Variants in FAM135A observed in about 807,000 individuals in gnomAD.
The protein encoded by FAM135A is protein FAM135A.
In FAM135A, 79 loss-of-function variants were observed where a neutral mutation model predicts 146.8. The observed-to-expected ratio is 0.54, with a 90% confidence interval of 0.45 to 0.65. The LOEUF is 0.65. FAM135A is among the 30% of genes least tolerant of loss of function. The pLI, the probability that FAM135A is intolerant of heterozygous loss-of-function variation, is 0.00. For missense variants in FAM135A, 1,623 were observed against 1,758.2 expected, an observed-to-expected ratio of 0.92 and a Z score of 1.38; for synonymous variants, 562 against 603.6, an observed-to-expected ratio of 0.93 and a Z score of 1.01.
At position 70,560,134 on chromosome 6, in the gene FAM135A, T is replaced by A. The variant is rs1244279834; in HGVS notation, c.*213T>A. ...TGCAATATTTTTTTAATTTTATCTTTTTACTTTTCTATTACTTTTTCATAT... is the reference window on the plus strand; with the variant it reads ...TGCAATATTTTTTTAATTTTATCTTATTACTTTTCTATTACTTTTTCATAT... On this transcript the variant is annotated 3_prime_UTR_variant, in exon 22 of 22. Transcript: ENST00000418814. The A allele has an allele frequency of 2.1e-6, 1 of 473,036 alleles. No individual in the cohort carries two copies. Among genetic ancestry groups the A allele is most frequent in the Non-Finnish European group, 3.7e-6 (1 of 270,522 alleles). The allele number at this position is 473,036 out of a possible 1,614,324, so 29.3% of individuals were successfully genotyped here.
In FAM135A at chr6:70,490,929, A is replaced by C. The variant is rs1785768961; in HGVS notation, c.824-105A>C. The C allele has an allele frequency of 1.2e-5, 8 of 650,182 alleles. No homozygotes were observed. In the East Asian group the frequency reaches 2.6e-4, roughly 21 times the overall value. The allele number at this position is 650,182 out of a possible 1,614,324, so 40.3% of individuals were successfully genotyped here. On this transcript the variant is annotated intron_variant, in intron 10 of 21. Transcript: ENST00000418814. ...GTTACCTTGAAATTTAATTCATTGAATACAGTCCAGATCATTCTTAATTTT... is the reference window on the plus strand; with the variant it reads ...GTTACCTTGAAATTTAATTCATTGACTACAGTCCAGATCATTCTTAATTTT...
chr6:70,499,265 C>T (rs1290740464), intron 11 of FAM135A, among the ~76,000 whole-genome samples: 3 of 152,092 alleles, frequency 2.0e-5, no homozygotes, highest in African/African-American at 4.8e-5. Flanking sequence ...TGTTGGTTTA[C>T]AGTCTGTTTT....
intron 16 of FAM135A, among the ~76,000 whole-genome samples, chr6:70,531,398 G>GTA (rs1795780627): frequency 5.9e-5 from 9 of 152,074 alleles, no homozygotes; most frequent in Admixed American, 5.9e-4. Context: ...ACAATTCTTT[G>GTA]AAGAAATGCT....
chr6:70,553,266 C>A (rs1033601771), intron 20 of FAM135A, among the ~76,000 whole-genome samples: 1 of 152,176 alleles, frequency 6.6e-6, no homozygotes, highest in African/African-American at 2.4e-5. Flanking sequence ...AGAAGTTCTC[C>A]TTTAACCTGT....
chr6:70,458,299 A>G (rs978387854), intron 5 of FAM135A, among the ~76,000 whole-genome samples: 10 of 152,176 alleles, frequency 6.6e-5, no homozygotes, highest in African/African-American at 1.9e-4. Flanking sequence ...CAAAATAGCA[A>G]ATTTTACCTG....
intron 20 of FAM135A, 34 bp downstream of exon 20, chr6:70,538,435 T>C (rs771081435): frequency 8.2e-7 from 1 of 1,216,792 alleles, no homozygotes; most frequent in South Asian, 2.5e-5. Flanking sequence ...AAAATATACA[T>C]GTGAAAACTT....
At chr6:70,507,034 A>G (rs1789932057) in intron 12 of FAM135A, among the ~76,000 whole-genome samples, 1 of 152,068 alleles carries the variant, frequency 6.6e-6, no homozygotes, top group African/African-American at 2.4e-5. Flanking sequence ...GGGGACTAAG[A>G]CAAAAATCAG....
At chr6:70,535,651 A>C (rs906869946) in intron 18 of FAM135A, among the ~76,000 whole-genome samples, 1 of 152,226 alleles carries the variant, frequency 6.6e-6, no homozygotes, top group Non-Finnish European at 1.5e-5. Flanking sequence ...CCTGGTGCCA[A>C]AAAGGTTGGG....
intron 2 of FAM135A, chr6:70,418,309 TTTTA>T (rs1390047541): frequency 1.3e-5 from 2 of 152,218 alleles, no homozygotes; most frequent in Non-Finnish European, 2.9e-5. Context: ...GGCTTGGTCA[TTTTA>T]TTTAATTTAT....
intron 2 of FAM135A, among the ~76,000 whole-genome samples, chr6:70,423,333 A>G (rs896788984): frequency 1.3e-5 from 2 of 152,174 alleles, no homozygotes; most frequent in Admixed American, 1.3e-4. Context: ...TGGTTTTTTG[A>G]AAATAGCCTG....
At chr6:70,516,826 T>C (rs1351091649) in intron 12 of FAM135A, among the ~76,000 whole-genome samples, 6 of 152,210 alleles carry the variant, frequency 3.9e-5, no homozygotes, top group African/African-American at 1.4e-4. Context: ...TGAGCCACCG[T>C]GCCCAGCCAT....
At chr6:70,423,021 C>T (rs1236460282) in intron 2 of FAM135A, among the ~76,000 whole-genome samples, 3 of 152,056 alleles carry the variant, frequency 2.0e-5, no homozygotes, top group Non-Finnish European at 4.4e-5. Context: ...ATAGTGCAGC[C>T]AGAAAAGGCC....
At chr6:70,426,943 G>A (rs184680920) in intron 3 of FAM135A, among the ~76,000 whole-genome samples, 31 of 152,204 alleles carry the variant, frequency 2.0e-4, no homozygotes, top group African/African-American at 7.5e-4. Flanking sequence ...TTCTAAGATT[G>A]TTCATTATAC....
intron 2 of FAM135A, among the ~76,000 whole-genome samples, chr6:70,423,394 CAA>C (rs892032941): frequency 1.1e-4 from 16 of 152,212 alleles, no homozygotes; most frequent in African/African-American, 3.4e-4. Flanking sequence ...GCTGCTGTAA[CAA>C]AGAGTTACGA....
chr6:70,559,790 TATA>T lies in FAM135A; in HGVS notation c.4420_4422del (p.Asn1474del). ...AAGCAAGGACTGTAATTTGGTTCGC[TATA>T]ATGTCATCAATGCATTGCCCAATAC... On this transcript the variant is annotated inframe_deletion, in exon 22 of 22. Coordinates refer to ENST00000418814, the MANE Select transcript of FAM135A (RefSeq NM_001162529.3). The T allele has an allele frequency of 6.2e-7, 1 of 1,614,190 alleles. No homozygotes were observed. Among genetic ancestry groups the T allele is most frequent in the South Asian group, 1.1e-5 (1 of 91,088 alleles).
chr6:70,517,415 C>CTTTT (rs746307665), intron 12 of FAM135A, among the ~76,000 whole-genome samples: 1 of 127,106 alleles, frequency 7.9e-6, no homozygotes, highest in African/African-American at 3.0e-5. Context: ...CGTCTTTTTC[C>CTTTT]TTTTTTTTTT....
intron 5 of FAM135A, among the ~76,000 whole-genome samples, chr6:70,455,810 CTTATTA>C (rs547574118): frequency 1.3e-4 from 19 of 150,010 alleles, no homozygotes; most frequent in Non-Finnish European, 2.4e-4. Flanking sequence ...ATGTTTGTTC[CTTATTA>C]TTAAAGTTTC....
At chr6:70,482,328 A>G (rs866645778) in intron 10 of FAM135A, among the ~76,000 whole-genome samples, 174 bp downstream of exon 10, 6 of 152,132 alleles carry the variant, frequency 3.9e-5, no homozygotes, top group African/African-American at 1.2e-4. Flanking sequence ...TTGCAATTTA[A>G]AAGTGTTTTT....
chr6:70,532,312 A>T (rs1007245323), intron 16 of FAM135A, among the ~76,000 whole-genome samples: 1 of 152,110 alleles, frequency 6.6e-6, no homozygotes, highest in South Asian at 2.1e-4. Flanking sequence ...TGCATTTTCT[A>T]TGAACTTTTT....
Sources: gnomAD v4.1 joint callset for allele counts (sites outside exome capture counted in the v4.1 genomes callset) on GRCh38, gnomAD v4.1.1 for gene constraint, MANE v1.5 for transcripts, NCBI Gene and HGNC (gene_info 2026-07-23, HGNC 2026-07-21) for gene names.